The following PIK3C3 variants were observed in gnomAD, a reference collection of about 807,000 sequenced individuals.
The protein encoded by PIK3C3 is PI3-kinase type 3.
In PIK3C3, 95 loss-of-function variants were observed where a neutral mutation model predicts 126.1. The observed-to-expected ratio is 0.75, with a 90% CI of 0.64 to 0.89. The LOEUF (loss-of-function observed/expected upper bound fraction) is 0.89, where lower values mean the gene tolerates loss of function less well. Ranked by LOEUF, PIK3C3 falls within the 40% of genes least tolerant of loss-of-function variation. The pLI is 0.00. For synonymous variants in PIK3C3, 374 were observed against 360.0 expected, an observed-to-expected ratio of 1.04 and a Z score of -0.44; for missense variants, 829 against 1,063.2, an observed-to-expected ratio of 0.78 and a Z score of 3.06.
intron 23 of PIK3C3, among the ~76,000 whole-genome samples, chr18:42,066,803 A>G (rs1985560430): frequency 1.3e-5 from 2 of 152,158 alleles, no homozygotes; most frequent in African/African-American, 2.4e-5. Flanking sequence ...AAATTATTTT[A>G]TCTTTGGAAA....
At chr18:42,013,339 A>AT (rs995774188) in intron 10 of PIK3C3, 103 bp from the exon 11 acceptor site, 1 of 704,258 alleles carries the variant, frequency 1.4e-6, no homozygotes, top group African/African-American at 1.9e-5. Context: ...CTGAAAAGTG[A>AT]TAGATAAAAG....
At chr18:42,023,810 A>G (rs1983433725) in intron 13 of PIK3C3, among the ~76,000 whole-genome samples, 1 of 152,224 alleles carries the variant, frequency 6.6e-6, no homozygotes, top group African/African-American at 2.4e-5. Flanking sequence ...AAATGTATTA[A>G]AATAGAAATT....
At chr18:42,054,155 T>G (rs1350144907) in intron 21 of PIK3C3, among the ~76,000 whole-genome samples, 5 of 34,840 alleles carry the variant, frequency 1.4e-4, no homozygotes, top group East Asian at 8.1e-4. Context: ...TATATATATA[T>G]ATATATATAT....
Position 41,993,242 on chromosome 18 carries a change from T to C in PIK3C3, c.715-28T>C, listed in dbSNP as rs757961616. On this transcript the variant is annotated intron_variant, in intron 6 of 24. Transcript: ENST00000262039. Reference sequence around the variant, plus strand: ...CTTCCTATTGTATTAAATTTCTTTTTTTAAAAAATTATTGCTCTGTAATCT... The same window carrying C: ...CTTCCTATTGTATTAAATTTCTTTTCTTAAAAAATTATTGCTCTGTAATCT... 6.7e-6 allele frequency: 10 copies of C among 1,484,666 alleles called. No homozygotes were observed. In the South Asian group the frequency reaches 1.0e-4, roughly 16 times the overall value. 92.0% of individuals were successfully genotyped at this position (1,484,666 alleles called of 1,614,324 possible).
rs576935875 is a variant in PIK3C3, at chr18:41,981,161, A to G, written c.532-6651A>G. ...ACAAGCGTTTGGGAATATCTCGTAA[A>G]TTTATTTTTAATGCTACCTTCTGTT... On this transcript the variant is annotated intron_variant, in intron 4 of 24. Coordinates refer to ENST00000262039, the MANE Select transcript of PIK3C3 (RefSeq NM_002647.4). 8.5e-5 allele frequency among the ~76,000 whole-genome samples: 13 copies of G among 152,256 alleles called. No individual in the cohort carries two copies. In the South Asian group the frequency reaches 2.7e-3, roughly 32 times the overall value.
At chr18:42,022,543 G>A (rs1291404835) in intron 13 of PIK3C3, among the ~76,000 whole-genome samples, 1 of 152,066 alleles carries the variant, frequency 6.6e-6, no homozygotes, top group African/African-American at 2.4e-5. Flanking sequence ...TTTAGTTTAA[G>A]CCTTTATGGT....
intron 10 of PIK3C3, among the ~76,000 whole-genome samples, chr18:42,005,234 G>C (rs998195756): frequency 2.6e-5 from 4 of 152,114 alleles, no homozygotes; most frequent in Non-Finnish European, 4.4e-5. Flanking sequence ...ACACACTGAG[G>C]CTGTGTACTC....
intron 21 of PIK3C3, among the ~76,000 whole-genome samples, chr18:42,051,880 C>T (rs542738455): frequency 4.6e-5 from 7 of 151,802 alleles, no homozygotes; most frequent in African/African-American, 9.7e-5. Flanking sequence ...TGCTAAATGA[C>T]GAGTTAATGG....
chr18:42,064,897 A>G, intron 23 of PIK3C3, 67 bp downstream of exon 23: 2 of 823,618 alleles, frequency 2.4e-6, no homozygotes, highest in Non-Finnish European at 4.2e-6. Flanking sequence ...GAATACAACA[A>G]CCTCTCAAGT....
chr18:42,012,415 G>T (rs1982870476), intron 10 of PIK3C3, among the ~76,000 whole-genome samples: 1 of 152,138 alleles, frequency 6.6e-6, no homozygotes, highest in African/African-American at 2.4e-5. Flanking sequence ...TTAAAGAGGA[G>T]ACTGAAGTTG....
intron 18 of PIK3C3, among the ~76,000 whole-genome samples, chr18:42,039,980 C>A (rs770325926): frequency 1.3e-5 from 2 of 151,996 alleles, no homozygotes; most frequent in Non-Finnish European, 2.9e-5. Flanking sequence ...AATGTGCATG[C>A]AAATTATTAT....
intron 24 of PIK3C3, among the ~76,000 whole-genome samples, chr18:42,069,756 G>A (rs945837423): frequency 1.4e-4 from 22 of 152,118 alleles, no homozygotes; most frequent in African/African-American, 5.1e-4. Context: ...GTAGATTCTG[G>A]TTTTTCTCCT....
At chr18:42,045,232 A>C (rs1224071094) in intron 20 of PIK3C3, among the ~76,000 whole-genome samples, 2 of 152,224 alleles carry the variant, frequency 1.3e-5, no homozygotes, top group African/African-American at 4.8e-5. Context: ...GATTACATGC[A>C]GTATTTAAAG....
At chr18:42,017,416 G>T (rs915352274) in intron 12 of PIK3C3, among the ~76,000 whole-genome samples, 1 of 152,120 alleles carries the variant, frequency 6.6e-6, no homozygotes, top group African/African-American at 2.4e-5. Context: ...ATGAGAAGAA[G>T]TTGTATTTCC....
intron 24 of PIK3C3, among the ~76,000 whole-genome samples, chr18:42,071,253 A>G (rs1306565965): frequency 3.9e-5 from 6 of 152,210 alleles, no homozygotes; most frequent in African/African-American, 1.4e-4. Flanking sequence ...ATCATTTCTT[A>G]GCTCTCCAGT....
intron 22 of PIK3C3, among the ~76,000 whole-genome samples, chr18:42,058,720 GGACT>G (rs1275637299): frequency 1.3e-5 from 2 of 152,028 alleles, no homozygotes; most frequent in Non-Finnish European, 2.9e-5. Context: ...AATTTACTTA[GGACT>G]GACTATCATA....
chr18:42,073,691 G>A (rs1358146475), intron 24 of PIK3C3, among the ~76,000 whole-genome samples: 1 of 151,198 alleles, frequency 6.6e-6, no homozygotes, highest in Non-Finnish European at 1.5e-5. Context: ...TGTCTCTTAT[G>A]TGCTGCCTCC....
At chr18:42,076,126 A>ATT (rs1985989281) in intron 24 of PIK3C3, among the ~76,000 whole-genome samples, 1 of 51,958 alleles carries the variant, frequency 1.9e-5, no homozygotes, top group African/African-American at 1.9e-4. Context: ...ATATATGCGC[A>ATT]TATATATATA....
chr18:41,999,586 A>G (rs1413956158), intron 9 of PIK3C3, among the ~76,000 whole-genome samples: 1 of 152,222 alleles, frequency 6.6e-6, no homozygotes, highest in Non-Finnish European at 1.5e-5. Context: ...GCCTAGCATT[A>G]TATAAGACTA....
Sources: allele counts gnomAD v4.1 joint callset (sites outside exome capture counted in the v4.1 genomes callset), GRCh38; gene constraint gnomAD v4.1.1; transcripts MANE v1.5; gene names NCBI Gene and HGNC (gene_info 2026-07-23, HGNC 2026-07-21).